The following MCU variants were observed in gnomAD, a reference collection of about 807,000 sequenced individuals.
MCU encodes the protein mitochondrial calcium uniporter, also known as calcium uniporter protein, mitochondrial.
In MCU, 12 loss-of-function variants were observed where a neutral mutation model predicts 45.2. The ratio of observed to expected loss-of-function variants is 0.27; its 90% confidence interval spans 0.17 to 0.43. The LOEUF is 0.43. Among genes scored for constraint, MCU ranks in the 20% least tolerant of loss-of-function variants. The pLI is 1.00. For missense variants in MCU, 324 were observed against 436.7 expected (o/e 0.74, Z 2.30); for synonymous variants, 160 against 165.1 (o/e 0.97, Z 0.24).
At chr10:72,708,734 C>G (rs1249647077) in intron 1 of MCU, among the ~76,000 whole-genome samples, 5 of 152,192 alleles carry the variant, frequency 3.3e-5, no homozygotes, top group African/African-American at 1.2e-4. Context: ...GAAGGAATGA[C>G]TTCTCTTTGA....
At chr10:72,848,627 A>G (rs1845158496) in intron 2 of MCU, among the ~76,000 whole-genome samples, 1 of 152,216 alleles carries the variant, frequency 6.6e-6, no homozygotes, top group African/African-American at 2.4e-5. Flanking sequence ...TGGAGGAGAC[A>G]TTCAAACCAT....
At chr10:72,699,329 A>AC (rs1842727132) in intron 1 of MCU, among the ~76,000 whole-genome samples, 2 of 151,680 alleles carry the variant, frequency 1.3e-5, no homozygotes, top group African/African-American at 4.8e-5. Context: ...ATATGGTGAA[A>AC]CCCCGTCTCT....
chr10:72,861,610 G>C, intron 4 of MCU: 1 of 351,760 alleles, frequency 2.8e-6, no homozygotes, highest in Admixed American at 4.0e-5. Context: ...GCCTCCCAAA[G>C]TGCTGTGATT....
chr10:72,812,326 A>G (rs1388372397), intron 1 of MCU, among the ~76,000 whole-genome samples: 1 of 152,068 alleles, frequency 6.6e-6, no homozygotes. Context: ...TTGTATTTTT[A>G]GTAGAGGCGG....
intron 1 of MCU, among the ~76,000 whole-genome samples, chr10:72,800,658 A>G (rs1052949955): frequency 2.6e-5 from 4 of 152,188 alleles, no homozygotes; most frequent in African/African-American, 9.7e-5. Flanking sequence ...ACAAAAGCAA[A>G]CATCCTGTAA....
intron 1 of MCU, among the ~76,000 whole-genome samples, chr10:72,751,421 C>T (rs1436942744): frequency 2.5e-5 from 3 of 119,348 alleles, no homozygotes; most frequent in Non-Finnish European, 4.8e-5. Flanking sequence ...GTGGCATGAT[C>T]TTGACTCACT....
At chr10:72,807,718 G>T (rs1844473873) in intron 1 of MCU, among the ~76,000 whole-genome samples, 1 of 152,136 alleles carries the variant, frequency 6.6e-6, no homozygotes, top group Non-Finnish European at 1.5e-5. Context: ...TTACTTCAGT[G>T]TTGACTGGCT....
intron 6 of MCU, among the ~76,000 whole-genome samples, chr10:72,883,229 G>A (rs1845732662): frequency 6.6e-6 from 1 of 152,204 alleles, no homozygotes; most frequent in South Asian, 2.1e-4. Flanking sequence ...GGTTTGGGGG[G>A]AGAGGAGACT....
intron 1 of MCU, chr10:72,716,028 G>A: frequency 3.8e-6 from 1 of 262,908 alleles, no homozygotes; most frequent in South Asian, 1.4e-4. Context: ...TGTTACTGTA[G>A]AACAGGCGTT....
chr10:72,785,332 C>A (rs1273068811), intron 1 of MCU, among the ~76,000 whole-genome samples: 1 of 152,156 alleles, frequency 6.6e-6, no homozygotes, highest in East Asian at 1.9e-4. Flanking sequence ...CTCCTGCTGC[C>A]CCCTACCACT....
chr10:72,880,570 A>T (rs1470000589), intron 6 of MCU, among the ~76,000 whole-genome samples: 1 of 152,226 alleles, frequency 6.6e-6, no homozygotes, highest in Admixed American at 6.5e-5. Flanking sequence ...CATTAGATTC[A>T]GTACAATCCC....
chr10:72,758,299 G>A (rs1297024990), intron 1 of MCU, among the ~76,000 whole-genome samples: 15 of 152,204 alleles, frequency 9.9e-5, no homozygotes, highest in African/African-American at 3.4e-4. Context: ...TCAGTCTCCC[G>A]AGTAGCTGGT....
chr10:72,829,791 T>C (rs1822525774), intron 1 of MCU, among the ~76,000 whole-genome samples: 1 of 152,132 alleles, frequency 6.6e-6, no homozygotes. Context: ...GCTTCCTTGG[T>C]TTTTGTTTTT....
At chr10:72,826,074 G>A (rs1293084131) in intron 1 of MCU, among the ~76,000 whole-genome samples, 4 of 143,602 alleles carry the variant, frequency 2.8e-5, no homozygotes, top group East Asian at 4.1e-4. Context: ...ACTTATTTGC[G>A]TGAACTATGG....
chr10:72,884,373 A>C lies in MCU; in HGVS notation c.969A>C (p.Ala323=), dbSNP rs761551752. The C allele has an allele frequency of 2.1e-5, 33 of 1,593,320 alleles. 1 individual carries two copies. In the South Asian group the frequency reaches 3.5e-4, roughly 17 times the overall value. Residue 323 remains alanine, a synonymous_variant, in exon 7 of 8, where the codon GCA becomes GCC. Transcript: ENST00000373053. ...DLEKYNQLKD[A]IAQAEMDLKR... ...AGAAATACAATCAACTCAAGGATGC[A>C]ATTGCTCAGGTAAGTTTTACAAAAA...
At chr10:72,724,169 C>T (rs763332060) in intron 1 of MCU, among the ~76,000 whole-genome samples, 2 of 152,004 alleles carry the variant, frequency 1.3e-5, no homozygotes, top group African/African-American at 2.4e-5. Context: ...GGTGAATAAC[C>T]TTGTGCATTC....
rs766317437 is a variant in MCU at position 72,834,348 on chromosome 10, G to C, written c.151-11G>C. ...CATTCTGACAGTAGATGTATCTTTT[G>C]TGTTTTCTAGGTACACCAGAGGATC... On this transcript the variant is annotated splice_polypyrimidine_tract_variant and intron_variant, in intron 1 of 7. Coordinates refer to ENST00000373053, the MANE Select transcript of MCU (RefSeq NM_138357.3). The C allele has an allele frequency of 6.2e-7, 1 of 1,610,534 alleles. No homozygotes were observed. The highest frequency in any genetic ancestry group is 1.1e-5 in the South Asian group (1 of 90,804).
At chr10:72,727,870 A>G (rs1489110853) in intron 1 of MCU, among the ~76,000 whole-genome samples, 1 of 152,174 alleles carries the variant, frequency 6.6e-6, no homozygotes, top group Non-Finnish European at 1.5e-5. Flanking sequence ...CTTAGTTGAA[A>G]TGACAAAGCC....
intron 1 of MCU, among the ~76,000 whole-genome samples, chr10:72,753,654 C>T (rs1440850936): frequency 1.3e-5 from 2 of 152,078 alleles, no homozygotes; most frequent in African/African-American, 4.8e-5. Flanking sequence ...GCTGGTAGAT[C>T]GCTTGAGCCC....
Sources: allele counts gnomAD v4.1 joint callset (sites outside exome capture counted in the v4.1 genomes callset), GRCh38; gene constraint gnomAD v4.1.1; transcripts MANE v1.5; gene names NCBI Gene and HGNC (gene_info 2026-07-23, HGNC 2026-07-21).